TENM2: variants seen among roughly 807,000 people sequenced by gnomAD.
TENM2 encodes the protein teneurin-2.
TENM2 carries 52 observed loss-of-function variants against 245.2 expected under a neutral mutation model. That is an observed-to-expected ratio of 0.21 (90% CI 0.17 to 0.27). The LOEUF is 0.27. TENM2 is among the 10% of genes least tolerant of loss of function. The pLI, the probability that TENM2 is intolerant of heterozygous loss-of-function variation, is 1.00. For missense variants in TENM2, 3,046 were observed against 3,666.8 expected (o/e 0.83, Z 4.37); for synonymous variants, 1,363 against 1,438.9 (o/e 0.95, Z 1.19).
chr5:168,080,875 T>G (rs1035173616), intron 7 of TENM2, among the ~76,000 whole-genome samples: 1 of 152,180 alleles, frequency 6.6e-6, no homozygotes, highest in African/African-American at 2.4e-5. Context: ...TTGGAATAAG[T>G]GTGATGTGAT....
At chr5:167,065,909 G>A in the TENM2 span, among the ~76,000 whole-genome samples, 2 of 152,250 alleles carry the variant, frequency 1.3e-5, no homozygotes, top group African/African-American at 2.4e-5. Context: ...GTACTGTATC[G>A]CTTTCAGTGG....
At chr5:168,063,955 CTCCATCCA>C (rs3083411) in intron 7 of TENM2, among the ~76,000 whole-genome samples, 29 of 151,566 alleles carry the variant, frequency 1.9e-4, no homozygotes, top group African/African-American at 6.1e-4. Flanking sequence ...TCAGTGAGTC[CTCCATCCA>C]TCCATCCATC....
chr5:168,008,447 C>T (rs1784988474), intron 5 of TENM2, among the ~76,000 whole-genome samples: 1 of 152,098 alleles, frequency 6.6e-6, no homozygotes, highest in Non-Finnish European at 1.5e-5. Flanking sequence ...GACATGATAT[C>T]ATGTCAGTTA....
chr5:167,813,250 A>G (rs1766776092), intron 2 of TENM2, among the ~76,000 whole-genome samples: 3 of 152,076 alleles, frequency 2.0e-5, no homozygotes, highest in South Asian at 2.1e-4. Flanking sequence ...AGTCTCCAAA[A>G]TGTTTCCAGC....
chr5:167,292,655 G>GCAA (rs1285574998), intron 1 of TENM2, among the ~76,000 whole-genome samples: 1 of 152,142 alleles, frequency 6.6e-6, no homozygotes, highest in African/African-American at 2.4e-5. Context: ...TTCCTAAAAG[G>GCAA]CAACTGCAAT....
the TENM2 span, among the ~76,000 whole-genome samples, chr5:167,020,730 T>C: frequency 3.3e-5 from 5 of 152,196 alleles, no homozygotes; most frequent in Non-Finnish European, 2.9e-5. Context: ...CAGAGTTTCT[T>C]TGGGAAGTAT....
At chr5:167,078,683 T>C in the TENM2 span, among the ~76,000 whole-genome samples, 1 of 151,954 alleles carries the variant, frequency 6.6e-6, no homozygotes, top group East Asian at 1.9e-4. Context: ...GCAAATAGAG[T>C]TAGGAAATGG....
intron 2 of TENM2, among the ~76,000 whole-genome samples, chr5:167,807,855 G>A (rs1766342761): frequency 6.6e-6 from 1 of 152,126 alleles, no homozygotes; most frequent in Non-Finnish European, 1.5e-5. Flanking sequence ...AAATCCTGAT[G>A]CCCAGGTCAC....
chr5:167,166,031 A>G, the TENM2 span, among the ~76,000 whole-genome samples: 1 of 152,238 alleles, frequency 6.6e-6, no homozygotes, highest in African/African-American at 2.4e-5. Context: ...ATTCTCATAT[A>G]TAAATATCAT....
At chr5:168,257,909 C>T (rs1044681026) in intron 27 of TENM2, among the ~76,000 whole-genome samples, 9 of 152,172 alleles carry the variant, frequency 5.9e-5, no homozygotes, top group Non-Finnish European at 8.8e-5. Context: ...CCACCGTGCC[C>T]GGCCAGCTCC....
chr5:167,620,549 C>CTTTTTTTTTTTTTTTTTTTTT (rs11455974), intron 2 of TENM2, among the ~76,000 whole-genome samples: 1 of 73,334 alleles, frequency 1.4e-5, no homozygotes, highest in Non-Finnish European at 2.4e-5. Context: ...TGCTTTTTGG[C>CTTTTTTTTTTTTTTTTTTTTT]TTTTTTTTTT....
At chr5:167,203,792 G>A in the TENM2 span, among the ~76,000 whole-genome samples, 2 of 151,852 alleles carry the variant, frequency 1.3e-5, no homozygotes, top group African/African-American at 4.8e-5. Flanking sequence ...ATTCTAAAAT[G>A]TATCAAATAA....
At chr5:168,215,006 C>G (rs1268799958) in intron 20 of TENM2, 34 bp from the exon 23 acceptor site, 2 of 1,592,940 alleles carry the variant, frequency 1.3e-6, no homozygotes, top group Non-Finnish European at 1.7e-6. Context: ...CCATAGCCCC[C>G]TCCTCATTTC....
At chr5:167,385,487 GT>G (rs1255623466) in intron 2 of TENM2, among the ~76,000 whole-genome samples, 4 of 146,256 alleles carry the variant, frequency 2.7e-5, no homozygotes, top group Admixed American at 6.8e-5. Context: ...ATATTGTGGG[GT>G]TTTTTTAGGT....
chr5:168,186,912 C>CTTGCTG (rs1554217925), intron 13 of TENM2: 2 of 152,108 alleles, frequency 1.3e-5, no homozygotes. Flanking sequence ...GGCATAAAGA[C>CTTGCTG]GCGATTCTCA....
chr5:167,652,775 T>C (rs79884229), intron 2 of TENM2, among the ~76,000 whole-genome samples: 136 of 152,322 alleles, frequency 8.9e-4, no homozygotes, highest in African/African-American at 3.2e-3. Context: ...TCACATCAGG[T>C]CTTTCGGACC....
chr5:168,237,501 A>G (rs943197779), intron 25 of TENM2, among the ~76,000 whole-genome samples: 8 of 152,094 alleles, frequency 5.3e-5, no homozygotes, highest in Admixed American at 3.9e-4. Context: ...ACCAGTTCCC[A>G]GGCTATTACA....
At chr5:167,185,981 GA>G in the TENM2 span, among the ~76,000 whole-genome samples, 1 of 152,132 alleles carries the variant, frequency 6.6e-6, no homozygotes, top group Non-Finnish European at 1.5e-5. Context: ...TGGTGGCAGG[GA>G]AATTTTTTAG....
the TENM2 span, among the ~76,000 whole-genome samples, chr5:167,081,403 A>G: frequency 6.6e-6 from 1 of 152,168 alleles, no homozygotes; most frequent in Admixed American, 6.5e-5. Context: ...AGGAGAATAT[A>G]GTGAGTTAAA....
Sources: gnomAD v4.1 joint callset for allele counts (sites outside exome capture counted in the v4.1 genomes callset) on GRCh38, gnomAD v4.1.1 for gene constraint, MANE v1.5 for transcripts, NCBI Gene and HGNC (gene_info 2026-07-23, HGNC 2026-07-21) for gene names.